The following SH2D4B variants were observed in gnomAD, a reference collection of about 807,000 sequenced individuals.
The protein encoded by SH2D4B is SH2 domain-containing protein 4B.
Under a neutral mutation model 61.5 loss-of-function variants are expected in SH2D4B, and 45 were observed. The ratio of observed to expected loss-of-function variants is 0.73; its 90% CI spans 0.58 to 0.94. The LOEUF (loss-of-function observed/expected upper bound fraction) is 0.94, where lower values mean the gene tolerates loss of function less well. SH2D4B is among the 40% of genes least tolerant of loss of function. The pLI is 0.00. For missense variants in SH2D4B, 572 were observed against 574.2 expected, an observed-to-expected ratio of 1.00 and a Z score of 0.04; for synonymous variants, 224 against 220.4, an observed-to-expected ratio of 1.02 and a Z score of -0.14.
intron 4 of SH2D4B, among the ~76,000 whole-genome samples, chr10:80,592,717 T>C (rs1473649357): frequency 2.7e-5 from 4 of 147,580 alleles, no homozygotes; most frequent in East Asian, 2.0e-4. Context: ...CTCTGTCTCT[T>C]TTTTTTTTTT....
chr10:80,564,722 TAAGCATG>T lies in SH2D4B; in HGVS notation c.185-5431_185-5425del, dbSNP rs1336453826. Among the ~76,000 whole-genome samples, 4 of 152,270 alleles carry T rather than the reference TAAGCATG, an allele frequency of 2.6e-5. No individual in the cohort carries two copies. In the East Asian group the frequency reaches 7.7e-4, roughly 29 times the overall value. ...ATTCAACTGCCTGTTGAGTGTCTAA[TAAGCATG>T]TCAAACAATTTGGCCAAAACAGAAT... On this transcript the variant is annotated intron_variant, in intron 1 of 7. Coordinates refer to ENST00000646907, the MANE Select transcript of SH2D4B (RefSeq NM_001388272.1).
Position 80,644,349 on chromosome 10 carries a change from A to T in SH2D4B, c.*264A>T. On this transcript the variant is annotated 3_prime_UTR_variant, in exon 8 of 8. Coordinates refer to ENST00000646907, the MANE Select transcript of SH2D4B (RefSeq NM_001388272.1). ...CCTTAGAAGACAAAGCCTGTTTGTC[A>T]TGGCTGCCGTAAACCGAGCTCTTAC... 2.6e-6 allele frequency: 1 copy of T among 389,630 alleles called. No individual in the cohort carries two copies. The highest frequency in any genetic ancestry group is 4.6e-6 in the Non-Finnish European group (1 of 217,578). 24.1% of individuals were successfully genotyped at this position (389,630 alleles called of 1,614,324 possible).
At chr10:80,546,953 G>C (rs2132103930) in intron 1 of SH2D4B, among the ~76,000 whole-genome samples, 1 of 152,302 alleles carries the variant, frequency 6.6e-6, no homozygotes, top group South Asian at 2.1e-4. Context: ...CCATGGTTTT[G>C]TTGGTGTAAT....
At chr10:80,560,693 C>CAAT (rs1841892560) in intron 1 of SH2D4B, among the ~76,000 whole-genome samples, 3 of 58,844 alleles carry the variant, frequency 5.1e-5, no homozygotes, top group African/African-American at 2.2e-4. Context: ...CCTGGCCAAG[C>CAAT]TTTTTTTTTT....
intron 6 of SH2D4B, among the ~76,000 whole-genome samples, chr10:80,631,822 G>A (rs1240956341): frequency 1.3e-5 from 2 of 152,226 alleles, no homozygotes; most frequent in Non-Finnish European, 2.9e-5. Flanking sequence ...CTGGGGAGAT[G>A]TTGGTCAAAG....
At chr10:80,587,127 C>T (rs1432687419) in intron 3 of SH2D4B, among the ~76,000 whole-genome samples, 1 of 138,612 alleles carries the variant, frequency 7.2e-6, no homozygotes, top group Non-Finnish European at 1.5e-5. Context: ...CAATTCCGGC[C>T]ACGTTTTTTT....
chr10:80,546,807 G>A (rs531071778), intron 1 of SH2D4B, among the ~76,000 whole-genome samples: 81 of 152,276 alleles, frequency 5.3e-4, no homozygotes, highest in South Asian at 8.3e-4. Flanking sequence ...GATTACAGGC[G>A]TGAGCCACCG....
intron 6 of SH2D4B, 97 bp downstream of exon 6, chr10:80,609,648 G>C: frequency 6.4e-7 from 1 of 1,564,800 alleles, no homozygotes; most frequent in Non-Finnish European, 8.7e-7. Flanking sequence ...TATAATCAGG[G>C]GGCAGAGGAC....
intron 6 of SH2D4B, among the ~76,000 whole-genome samples, chr10:80,630,815 G>A (rs957140432): frequency 2.6e-5 from 4 of 152,178 alleles, no homozygotes; most frequent in Admixed American, 1.3e-4. Context: ...TCCAAGGTCG[G>A]CTTGTGGGGA....
intron 1 of SH2D4B, among the ~76,000 whole-genome samples, chr10:80,542,811 C>T (rs1841600131): frequency 6.6e-6 from 1 of 152,172 alleles, no homozygotes; most frequent in Admixed American, 6.5e-5. Context: ...CCCTCCCGCT[C>T]TTCCCACTCT....
At chr10:80,627,487 C>T (rs564193278) in intron 6 of SH2D4B, among the ~76,000 whole-genome samples, 1 of 152,032 alleles carries the variant, frequency 6.6e-6, no homozygotes, top group Non-Finnish European at 1.5e-5. Context: ...GCCTTGCCCC[C>T]TCTTGTCCCT....
intron 4 of SH2D4B, among the ~76,000 whole-genome samples, chr10:80,597,515 A>C (rs988577789): frequency 1.3e-5 from 2 of 152,098 alleles, no homozygotes; most frequent in Admixed American, 6.5e-5. Flanking sequence ...AAAATACAAA[A>C]ATTAGCCAGG....
intron 1 of SH2D4B, among the ~76,000 whole-genome samples, chr10:80,568,227 T>A (rs1841995765): frequency 6.6e-6 from 1 of 152,024 alleles, no homozygotes. Flanking sequence ...GGATTAATCA[T>A]GCAAGGGTTT....
chr10:80,589,703 A>G (rs1258620168), intron 4 of SH2D4B, among the ~76,000 whole-genome samples: 1 of 152,164 alleles, frequency 6.6e-6, no homozygotes, highest in Non-Finnish European at 1.5e-5. Flanking sequence ...CACATACAAC[A>G]TAGTTGTCCT....
chr10:80,577,961 TA>T (rs1842145144), intron 3 of SH2D4B, among the ~76,000 whole-genome samples: 1 of 138,820 alleles, frequency 7.2e-6, no homozygotes, highest in African/African-American at 3.0e-5. Flanking sequence ...TTGGCTTAGA[TA>T]ATTTTTTTTC....
At chr10:80,633,746 G>A (rs1345584747) in intron 6 of SH2D4B, among the ~76,000 whole-genome samples, 1 of 152,262 alleles carries the variant, frequency 6.6e-6, no homozygotes, top group Non-Finnish European at 1.5e-5. Flanking sequence ...TTGATTCTAT[G>A]CCCCTATTAA....
rs760039746 is a variant in SH2D4B at position 80,644,386 on chromosome 10, C to G, written c.*301C>G. 3.7e-5 allele frequency: 10 copies of G among 273,284 alleles called. No homozygotes were observed. Among genetic ancestry groups the G allele is most frequent in the Non-Finnish European group, 6.1e-5 (9 of 146,740 alleles). The allele number at this position is 273,284 out of a possible 1,614,324, so 16.9% of individuals were successfully genotyped here. ...AACCGAGCTCTTACAGTGCGTGGAC[C>G]ATGTTTTAATAATCCAAAATAATTC... On this transcript the variant is annotated 3_prime_UTR_variant, in exon 8 of 8. Transcript: ENST00000646907.
chr10:80,564,819 G>A (rs1257107814), intron 1 of SH2D4B, among the ~76,000 whole-genome samples: 4 of 152,126 alleles, frequency 2.6e-5, no homozygotes, highest in Non-Finnish European at 5.9e-5. Context: ...TAATTTTGTG[G>A]CTTAAGCCAA....
At chr10:80,572,846 C>T (rs1163160999) in intron 3 of SH2D4B, among the ~76,000 whole-genome samples, 2 of 147,246 alleles carry the variant, frequency 1.4e-5, no homozygotes, top group African/African-American at 5.0e-5. Flanking sequence ...TCTCGAACTC[C>T]TGACTTTGTG....
Sources: allele counts gnomAD v4.1 joint callset (sites outside exome capture counted in the v4.1 genomes callset), GRCh38; gene constraint gnomAD v4.1.1; transcripts MANE v1.5; gene names NCBI Gene and HGNC (gene_info 2026-07-23, HGNC 2026-07-21).